SAE1: variants seen among roughly 807,000 people sequenced by gnomAD.
SAE1 encodes SUMO1 activating enzyme subunit 1.
In SAE1, 11 loss-of-function variants were observed where a neutral mutation model predicts 40.6. The ratio of observed to expected loss-of-function variants is 0.27; its 90% CI spans 0.17 to 0.45. SAE1 has a LOEUF of 0.45. SAE1 is among the 20% of genes least tolerant of loss of function. SAE1 has a pLI of 1.00. For synonymous variants in SAE1, 155 were observed against 154.3 expected, an observed-to-expected ratio of 1.00 and a Z score of -0.03; for missense variants, 373 against 427.3, an observed-to-expected ratio of 0.87 and a Z score of 1.12.
chr19:47,187,000 C>A (rs143669128), intron 6 of SAE1, among the ~76,000 whole-genome samples: 48 of 152,264 alleles, frequency 3.2e-4, no homozygotes, highest in Non-Finnish European at 6.0e-4. Flanking sequence ...CCCACCACAG[C>A]TAGCATAGGG....
chr19:47,136,970 G>A (rs535238867), intron 1 of SAE1, among the ~76,000 whole-genome samples: 1 of 152,310 alleles, frequency 6.6e-6, no homozygotes, highest in South Asian at 2.1e-4. Context: ...TTATGAAACA[G>A]AAGCCCTGGA....
intron 7 of SAE1, among the ~76,000 whole-genome samples, chr19:47,200,694 T>G (rs1160249568): frequency 6.6e-6 from 1 of 152,196 alleles, no homozygotes; most frequent in African/African-American, 2.4e-5. Flanking sequence ...GAATAGCCCT[T>G]GGCAAACTGG....
intron 2 of SAE1, 37 bp downstream of exon 2, chr19:47,143,642 C>T (rs574698026): frequency 2.0e-6 from 3 of 1,466,248 alleles, no homozygotes; most frequent in East Asian, 4.5e-5. Context: ...CCTGCTCTGG[C>T]TCCCCTTTCC....
rs184115446 is a variant in SAE1 at position 47,209,505 on chromosome 19, C to T, written c.*254C>T. On this transcript the variant is annotated 3_prime_UTR_variant, in exon 9 of 9. Coordinates refer to ENST00000270225, the MANE Select transcript of SAE1 (RefSeq NM_005500.3). ...GCCTGTCATCCCGGGCCTGCCAGCTCCCCTGAGTGATGAGCACTTCCAAGC... is the reference window on the plus strand; with the variant it reads ...GCCTGTCATCCCGGGCCTGCCAGCTTCCCTGAGTGATGAGCACTTCCAAGC... 35 of 593,542 alleles carry T rather than the reference C, an allele frequency of 5.9e-5. No individual in the cohort carries two copies. Among genetic ancestry groups the T allele is most frequent in the African/African-American group, 5.4e-4 (29 of 53,634 alleles). The allele number at this position is 593,542 out of a possible 1,614,324, so 36.8% of individuals were successfully genotyped here. A position where few individuals can be genotyped will look rare whatever the true frequency, so the allele number is the denominator to read the frequency against.
intron 8 of SAE1, among the ~76,000 whole-genome samples, chr19:47,208,545 A>G (rs62135087): frequency 0.089 from 13,604 of 152,098 alleles, 921 homozygotes; most frequent in East Asian, 0.3. Flanking sequence ...GGTTCAAGCA[A>G]TTCTCCTGCC....
chr19:47,148,922 T>G (rs1411162191), intron 2 of SAE1, among the ~76,000 whole-genome samples: 1 of 151,144 alleles, frequency 6.6e-6, no homozygotes, highest in Admixed American at 6.6e-5. Context: ...CCATAGTCTA[T>G]CTATGTTTTT....
intron 6 of SAE1, among the ~76,000 whole-genome samples, chr19:47,192,624 C>T (rs1460537352): frequency 2.0e-5 from 3 of 152,016 alleles, no homozygotes; most frequent in South Asian, 2.1e-4. Context: ...CTCACCGCAA[C>T]CTCTGAATCC....
At chr19:47,160,660 G>A (rs1295675384) in intron 5 of SAE1, among the ~76,000 whole-genome samples, 1 of 152,070 alleles carries the variant, frequency 6.6e-6, no homozygotes, top group Non-Finnish European at 1.5e-5. Flanking sequence ...CTCCCAAAGT[G>A]CTGGGATTAC....
intron 6 of SAE1, among the ~76,000 whole-genome samples, chr19:47,170,628 T>C (rs1324824361): frequency 6.6e-6 from 1 of 150,452 alleles, no homozygotes; most frequent in Non-Finnish European, 1.5e-5. Context: ...TGCCTCAGGC[T>C]CCTGAGTAGC....
chr19:47,182,125 A>T (rs145854716), intron 6 of SAE1, among the ~76,000 whole-genome samples: 1 of 151,702 alleles, frequency 6.6e-6, no homozygotes, highest in Non-Finnish European at 1.5e-5. Flanking sequence ...TCATTCTTCA[A>T]TTTCCCCTCA....
chr19:47,166,564 C>G (rs764246739), intron 5 of SAE1, among the ~76,000 whole-genome samples: 21 of 152,134 alleles, frequency 1.4e-4, no homozygotes, highest in Non-Finnish European at 1.9e-4. Flanking sequence ...ACCTCCACCC[C>G]CAACTCCGTT....
intron 4 of SAE1, 53 bp from the exon 5 acceptor site, chr19:47,155,061 A>T: frequency 8.6e-7 from 1 of 1,164,332 alleles, no homozygotes; most frequent in African/African-American, 1.5e-5. Context: ...TTTTGATTCC[A>T]ATAACATGAT....
intron 6 of SAE1, among the ~76,000 whole-genome samples, chr19:47,184,017 A>T (rs1443392772): frequency 6.6e-6 from 1 of 152,056 alleles, no homozygotes; most frequent in Non-Finnish European, 1.5e-5. Flanking sequence ...TGTGACTTTT[A>T]GATTTTTTTT....
intron 8 of SAE1, among the ~76,000 whole-genome samples, chr19:47,204,678 T>G (rs2058676822): frequency 6.6e-6 from 1 of 151,432 alleles, no homozygotes; most frequent in African/African-American, 2.4e-5. Context: ...GGCTAATTTT[T>G]GTATTTTTAG....
chr19:47,155,028 G>C (rs545470613), intron 4 of SAE1, 86 bp from the exon 5 acceptor site: 9 of 830,618 alleles, frequency 1.1e-5, no homozygotes, highest in African/African-American at 6.8e-5. Context: ...CCACCATCCC[G>C]ATCTGTGACC....
chr19:47,202,076 G>A (rs1290230843), intron 7 of SAE1, among the ~76,000 whole-genome samples: 2 of 152,068 alleles, frequency 1.3e-5, no homozygotes, highest in South Asian at 4.1e-4. Flanking sequence ...TCTTGGGATT[G>A]GAATGGATAC....
At chr19:47,186,315 T>C (rs1174195594) in intron 6 of SAE1, among the ~76,000 whole-genome samples, 2 of 152,130 alleles carry the variant, frequency 1.3e-5, no homozygotes, top group African/African-American at 2.4e-5. Flanking sequence ...TTTGGGGTGC[T>C]CTATTGGTAA....
chr19:47,152,396 A>G (rs1308902620), intron 3 of SAE1, among the ~76,000 whole-genome samples: 1 of 152,238 alleles, frequency 6.6e-6, no homozygotes, highest in East Asian at 1.9e-4. Flanking sequence ...ATCTGTGGAA[A>G]AATGATCTCA....
chr19:47,156,478 C>T lies in SAE1; in HGVS notation c.627+1265C>T, dbSNP rs2058325570. On this transcript the variant is annotated intron_variant, in intron 5 of 8. Transcript: ENST00000270225. ...TGGCGACAGAACGAGACTCTGTCTCCAAAAAAAAAAGTTTTCTTTGCCTGT... is the reference window on the plus strand; with the variant it reads ...TGGCGACAGAACGAGACTCTGTCTCTAAAAAAAAAAGTTTTCTTTGCCTGT... Among the ~76,000 whole-genome samples the T allele has an allele frequency of 2.1e-5, 3 of 145,142 alleles. No individual in the cohort carries two copies. The South Asian group carries it at 6.5e-4, about 32-fold the overall frequency.
Sources: allele counts gnomAD v4.1 joint callset (sites outside exome capture counted in the v4.1 genomes callset), GRCh38; gene constraint gnomAD v4.1.1; transcripts MANE v1.5; gene names NCBI Gene and HGNC (gene_info 2026-07-23, HGNC 2026-07-21).